Variants in CIZ1 observed in about 807,000 individuals in gnomAD.
The protein encoded by CIZ1 is cip1-interacting zinc finger protein.
Under a neutral mutation model 118.6 loss-of-function variants are expected in CIZ1, and 58 were observed. The ratio of observed to expected loss-of-function variants is 0.49; its 90% confidence interval spans 0.40 to 0.61. The LOEUF is 0.61. CIZ1 is among the 20% of genes least tolerant of loss of function. CIZ1 has a pLI of 0.00. For synonymous variants in CIZ1, 448 were observed against 443.4 expected, an observed-to-expected ratio of 1.01 and a Z score of -0.13; for missense variants, 921 against 1,115.9, an observed-to-expected ratio of 0.83 and a Z score of 2.49.
chr9:128,196,141 A>G (rs1302203213), upstream of CIZ1, among the ~76,000 whole-genome samples: 1 of 152,188 alleles, frequency 6.6e-6, no homozygotes, highest in East Asian at 1.9e-4. Flanking sequence ...TGCTGGGATT[A>G]CAGGCATGAG....
At chr9:128,191,905 C>T, upstream of CIZ1, 16 of 1,440,998 alleles carry the variant, frequency 1.1e-5, no homozygotes, top group Admixed American at 2.5e-5. This position sits in a 1 kb window ranked among gnomAD's most constrained non-coding sequence, Gnocchi z 5.5. Context: ...CGCGGGGCTG[C>T]GGTGAGAGGG....
intron 11 of CIZ1, among the ~76,000 whole-genome samples, chr9:128,172,570 T>A (rs1830281757): frequency 6.6e-6 from 1 of 152,136 alleles, no homozygotes; most frequent in Non-Finnish European, 1.5e-5. Context: ...CAAGTTTTCA[T>A]AAATTTTAGG....
chr9:128,199,609 G>T (rs1014362817), intron 1 of CIZ1, among the ~76,000 whole-genome samples: 2 of 152,000 alleles, frequency 1.3e-5, no homozygotes, highest in Non-Finnish European at 2.9e-5. Flanking sequence ...GGTGGCTGAG[G>T]CAGGAAGCCT....
At chr9:128,190,977 C>CT in intron 1 of CIZ1, 115 bp from the exon 2 acceptor site, 1 of 1,382,122 alleles carries the variant, frequency 7.2e-7, no homozygotes. Context: ...TGAGGAGCTT[C>CT]ACAGCTGCAT....
chr9:128,176,377 G>A lies in CIZ1; in HGVS notation c.1917C>T (p.Pro639=), dbSNP rs759560020. 5 of 1,614,076 alleles carry A rather than the reference G, an allele frequency of 3.1e-6. No homozygotes were observed. The Admixed American group carries it at 6.7e-5, about 22-fold the overall frequency. Residue 639 remains proline, a synonymous_variant, in exon 11 of 17, where the codon CCC becomes CCT. Transcript: ENST00000372938. ...CATCCTCTGTCTCCAGGACGTCCCG[G>A]GGCACGGGCAGCAGGGACAGGAGGC... is the stretch of plus-strand genomic sequence containing the variant. ...QACLLSLLPV[P]RDVLETEDEE...
At chr9:128,183,251 C>T (rs45467095) in intron 5 of CIZ1, among the ~76,000 whole-genome samples, 11 of 152,228 alleles carry the variant, frequency 7.2e-5, no homozygotes, top group Non-Finnish European at 1.3e-4. Flanking sequence ...CTGCACGAAA[C>T]AGGCACCAGC....
upstream of CIZ1, among the ~76,000 whole-genome samples, chr9:128,194,611 G>A (rs958877414): frequency 1.3e-5 from 2 of 152,052 alleles, no homozygotes; most frequent in African/African-American, 4.8e-5. Flanking sequence ...GAGGTCAGGA[G>A]TTCGAGACCA....
chr9:128,190,939 C>T, intron 1 of CIZ1, 77 bp from the exon 2 acceptor site: 1 of 1,467,810 alleles, frequency 6.8e-7, no homozygotes, highest in Non-Finnish European at 9.0e-7. Context: ...CACCGCCACT[C>T]CCCGCAGCCA....
At chr9:128,194,362 C>CAAAA (rs757286334), upstream of CIZ1, among the ~76,000 whole-genome samples, 4 of 74,116 alleles carry the variant, frequency 5.4e-5, no homozygotes, top group African/African-American at 1.5e-4. Flanking sequence ...AACTCCATCT[C>CAAAA]AAAAAAAAAA....
In CIZ1 at chr9:128,191,421, C is replaced by A; in HGVS notation, c.-6+11G>T. 1.1e-6 allele frequency: 1 copy of A among 928,576 alleles called. No homozygotes were observed. The highest frequency in any genetic ancestry group is 4.8e-5 in the South Asian group (1 of 20,936). The allele number at this position is 928,576 out of a possible 1,614,324, so 57.5% of individuals were successfully genotyped here. A position where few individuals can be genotyped will look rare whatever the true frequency, so the allele number is the denominator to read the frequency against. ...CGGAGCCCCACGACCCAGCCGCCCC[C>A]GGCCCCGCACCTCGCCTCCCCGCGC... On this transcript the variant is annotated intron_variant, in intron 1 of 16. Transcript: ENST00000372938. The surrounding 1 kb of genome is among the most constrained non-coding windows in gnomAD (Gnocchi z 5.5).
intron 1 of CIZ1, chr9:128,198,157 A>C (rs1262654235): frequency 6.6e-6 from 1 of 152,336 alleles, no homozygotes. Flanking sequence ...CCCAGCCTGC[A>C]ACCATGTAGA....
chr9:128,176,576 C>G, intron 10 of CIZ1, 101 bp from the exon 11 acceptor site: 1 of 1,201,448 alleles, frequency 8.3e-7, no homozygotes, highest in Non-Finnish European at 1.2e-6. Flanking sequence ...TCACTGTGCG[C>G]CCATTTCTCT....
intron 11 of CIZ1, among the ~76,000 whole-genome samples, chr9:128,175,416 A>G (rs1397138332): frequency 6.6e-6 from 1 of 152,146 alleles, no homozygotes; most frequent in Non-Finnish European, 1.5e-5. Context: ...GCTCTTCTCA[A>G]AGGGAGAAAC....
Position 128,166,861 on chromosome 9 carries a change from G to A in CIZ1, c.2385C>T (p.Pro795=), listed in dbSNP as rs185085914. The change falls in exon 16 of 17, where the codon CCC becomes CCT. Residue 795 remains proline (P), a synonymous_variant. Transcript: ENST00000372938. This position sits in a 1 kb window ranked among gnomAD's most constrained non-coding sequence, Gnocchi z 4.4. Reference sequence around the variant, plus strand: ...AGATGCGGCAGATATAGCCCATCACGGGCACCAGGAAGTCCACACCTGTAG... The same window carrying A: ...AGATGCGGCAGATATAGCCCATCACAGGCACCAGGAAGTCCACACCTGTAG... ...NTAYGVDFLV[P]VMGYICRICH... 3.7e-5 allele frequency: 60 copies of A among 1,614,070 alleles called. No individual in the cohort carries two copies. The highest frequency in any genetic ancestry group is 8.0e-5 in the African/African-American group (6 of 74,916).
upstream of CIZ1, among the ~76,000 whole-genome samples, chr9:128,193,215 C>T (rs553739299): frequency 8.2e-4 from 125 of 152,270 alleles, no homozygotes; most frequent in African/African-American, 2.5e-3. Context: ...CCGGGGACGT[C>T]GGCGCCTATG....
intron 1 of CIZ1, among the ~76,000 whole-genome samples, chr9:128,201,586 G>A (rs1833520033): frequency 6.6e-6 from 1 of 152,216 alleles, no homozygotes; most frequent in Non-Finnish European, 1.5e-5. Context: ...CTTGTCCTCA[G>A]AGCATAATAA....
At position 128,187,912 on chromosome 9, in the gene CIZ1, T is replaced by C. The variant is rs567873152; in HGVS notation, c.309A>G (p.Pro103=). The part of the protein sequence containing the change: ...QLQGLDQFAM[P]PATYDTAGLT... The stretch of plus-strand genomic sequence containing the variant: ...GACCGGCAGTGTCATACGTGGCTGG[T>C]GGCATTGCAAACTGGTCCAGTCCTT... Residue 103 remains proline, a synonymous_variant, in exon 4 of 17, where the codon CCA becomes CCG. Coordinates refer to ENST00000372938, the MANE Select transcript of CIZ1 (RefSeq NM_001131016.2). The C allele has an allele frequency of 6.6e-6, 5 of 757,036 alleles. No homozygotes were observed. In the South Asian group the frequency reaches 7.1e-5, roughly 11 times the overall value. 46.9% of individuals were successfully genotyped at this position (757,036 alleles called of 1,614,324 possible). A position where few individuals can be genotyped will look rare whatever the true frequency, so the allele number is the denominator to read the frequency against.
chr9:128,192,024 A>G, upstream of CIZ1: 1 of 842,854 alleles, frequency 1.2e-6, no homozygotes, highest in Non-Finnish European at 1.7e-6. Flanking sequence ...GTGGAGGGAG[A>G]GTCCCCCTCC....
chr9:128,180,355 C>A, intron 7 of CIZ1, 60 bp downstream of exon 7: 1 of 1,299,266 alleles, frequency 7.7e-7, no homozygotes. Flanking sequence ...CCACCCCTGC[C>A]TTTGCAGGAA....
Sources: allele counts gnomAD v4.1 joint callset (sites outside exome capture counted in the v4.1 genomes callset), GRCh38; gene constraint gnomAD v4.1.1; non-coding constraint Gnocchi (gnomAD v3.1); transcripts MANE v1.5; gene names NCBI Gene and HGNC (gene_info 2026-07-23, HGNC 2026-07-21).